AGBL4: variants seen among roughly 807,000 people sequenced by gnomAD.
AGBL4 encodes AGBL carboxypeptidase 4.
AGBL4 carries 58 observed loss-of-function variants against 66.4 expected under a neutral mutation model. The ratio of observed to expected loss-of-function variants is 0.87; its 90% CI spans 0.71 to 1.09. The LOEUF (loss-of-function observed/expected upper bound fraction) is 1.09. Among genes scored for constraint, AGBL4 ranks in the 50% least tolerant of loss-of-function variants. The pLI is 0.00. For missense variants in AGBL4, 579 were observed against 631.0 expected (o/e 0.92, Z 0.88); for synonymous variants, 234 against 222.9 (o/e 1.05, Z -0.44).
chr1:48,559,301 C>T (rs561169461), intron 11 of AGBL4, among the ~76,000 whole-genome samples: 11 of 152,288 alleles, frequency 7.2e-5, no homozygotes, highest in African/African-American at 2.6e-4. Context: ...CAAAATCTCC[C>T]TTAGCCCACA....
chr1:48,931,399 C>A (rs1655023756), intron 5 of AGBL4, among the ~76,000 whole-genome samples: 1 of 152,186 alleles, frequency 6.6e-6, no homozygotes, highest in Non-Finnish European at 1.5e-5. Context: ...CCTCTCACTT[C>A]ATTCAGGTCT....
chr1:49,104,857 C>T (rs1307675838), intron 4 of AGBL4, among the ~76,000 whole-genome samples: 1 of 152,076 alleles, frequency 6.6e-6, no homozygotes, highest in Non-Finnish European at 1.5e-5. Flanking sequence ...TTATTATTTG[C>T]ATAGAAAAGG....
chr1:50,010,529 A>G (rs1661460435), intron 1 of AGBL4, among the ~76,000 whole-genome samples: 1 of 152,018 alleles, frequency 6.6e-6, no homozygotes, highest in Non-Finnish European at 1.5e-5. Flanking sequence ...GCAAAAAAAC[A>G]AAACAAAACT....
At chr1:48,733,478 C>T (rs377279051) in intron 6 of AGBL4, among the ~76,000 whole-genome samples, 9 of 152,186 alleles carry the variant, frequency 5.9e-5, no homozygotes, top group East Asian at 3.9e-4. Context: ...TTGATTGATG[C>T]GAACTATCAT....
chr1:48,830,377 G>T (rs1010357443), intron 6 of AGBL4, among the ~76,000 whole-genome samples: 1 of 152,152 alleles, frequency 6.6e-6, no homozygotes, highest in Non-Finnish European at 1.5e-5. Flanking sequence ...CATACAAATT[G>T]CCTGAGGTTA....
Position 49,562,740 on chromosome 1 carries a change from C to T in AGBL4, c.282+134573G>A, listed in dbSNP as rs1441674422. On this transcript the variant is annotated intron_variant, in intron 3 of 13. Coordinates refer to ENST00000371839, the MANE Select transcript of AGBL4 (RefSeq NM_032785.4). ...TGTAGTATAGTTTGAAGTCAGGTAG[C>T]GTGATGCCTCCAGCTTTGTTCTTTT... 1.2e-4 allele frequency among the ~76,000 whole-genome samples: 19 copies of T among 152,128 alleles called. No homozygotes were observed. The East Asian group carries it at 1.5e-3, about 12-fold the overall frequency.
chr1:48,814,243 T>A (rs1426120112), intron 6 of AGBL4, among the ~76,000 whole-genome samples: 1 of 152,148 alleles, frequency 6.6e-6, no homozygotes, highest in Non-Finnish European at 1.5e-5. Flanking sequence ...CTGGTGTAAT[T>A]TACTTGCTAA....
At chr1:49,561,614 A>G (rs1211198414) in intron 3 of AGBL4, among the ~76,000 whole-genome samples, 2 of 152,072 alleles carry the variant, frequency 1.3e-5, no homozygotes, top group African/African-American at 2.4e-5. Flanking sequence ...AGCTTCCTCC[A>G]TGTCCCTACA....
At chr1:49,409,101 T>C (rs1645263236) in intron 3 of AGBL4, among the ~76,000 whole-genome samples, 1 of 151,116 alleles carries the variant, frequency 6.6e-6, no homozygotes, top group African/African-American at 2.4e-5. Context: ...TTCTCTGTCT[T>C]TTTCTGTCTC....
At chr1:49,222,818 C>T (rs959572369) in intron 4 of AGBL4, among the ~76,000 whole-genome samples, 1 of 152,158 alleles carries the variant, frequency 6.6e-6, no homozygotes, top group Non-Finnish European at 1.5e-5. Context: ...AACAAAGTAA[C>T]TCATTTTATT....
chr1:49,237,673 C>T (rs906465793), intron 4 of AGBL4, among the ~76,000 whole-genome samples: 2 of 150,934 alleles, frequency 1.3e-5, no homozygotes, highest in African/African-American at 4.9e-5. Flanking sequence ...ACGTGTAATT[C>T]TGTTAAATAT....
At chr1:49,764,584 A>C (rs1002567668) in intron 2 of AGBL4, among the ~76,000 whole-genome samples, 2 of 152,068 alleles carry the variant, frequency 1.3e-5, no homozygotes, top group Admixed American at 6.5e-5. Context: ...GGGGCCTGGG[A>C]ACTGGAGGAC....
intron 3 of AGBL4, among the ~76,000 whole-genome samples, chr1:49,440,571 G>A (rs2148667641): frequency 6.6e-6 from 1 of 152,292 alleles, no homozygotes; most frequent in Admixed American, 6.5e-5. Flanking sequence ...CCTAAGTTCA[G>A]TGGACAAAGT....
At chr1:48,612,308 C>T (rs1353837624) in intron 9 of AGBL4, among the ~76,000 whole-genome samples, 1 of 152,238 alleles carries the variant, frequency 6.6e-6, no homozygotes, top group African/African-American at 2.4e-5. Context: ...GGTGAGGATA[C>T]AGGCAGAAAT....
At chr1:48,686,164 G>A (rs1366196492) in intron 6 of AGBL4, among the ~76,000 whole-genome samples, 1 of 152,160 alleles carries the variant, frequency 6.6e-6, no homozygotes, top group Non-Finnish European at 1.5e-5. Flanking sequence ...AGGATCTACT[G>A]GTCCTTCATA....
chr1:49,389,731 G>A (rs1430749473), intron 3 of AGBL4, among the ~76,000 whole-genome samples: 4 of 152,150 alleles, frequency 2.6e-5, no homozygotes, highest in African/African-American at 9.7e-5. Flanking sequence ...GAGGAAGAAG[G>A]GGAAACTCTG....
At chr1:49,764,754 G>A (rs1334311587) in intron 2 of AGBL4, among the ~76,000 whole-genome samples, 1 of 152,084 alleles carries the variant, frequency 6.6e-6, no homozygotes, top group African/African-American at 2.4e-5. Context: ...TGCCACATCA[G>A]AGAACAGAGG....
At chr1:48,836,570 G>C (rs1428231883) in intron 6 of AGBL4, among the ~76,000 whole-genome samples, 2 of 151,934 alleles carry the variant, frequency 1.3e-5, no homozygotes, top group Non-Finnish European at 2.9e-5. Context: ...GAAAAAAAAG[G>C]ATCTTTGGTT....
intron 4 of AGBL4, among the ~76,000 whole-genome samples, chr1:49,067,810 G>A (rs1644518401): frequency 6.6e-6 from 1 of 152,082 alleles, no homozygotes. Context: ...ACAATGTGCA[G>A]TTTTGTTACA....
Sources: allele counts gnomAD v4.1 joint callset (sites outside exome capture counted in the v4.1 genomes callset), GRCh38; gene constraint gnomAD v4.1.1; transcripts MANE v1.5; gene names NCBI Gene and HGNC (gene_info 2026-07-23, HGNC 2026-07-21).